Variants in RPTOR observed in about 807,000 individuals in gnomAD.
RPTOR encodes regulatory associated protein of MTOR complex 1, also known as regulatory-associated protein of mTOR.
A neutral mutation model predicts 169.9 loss-of-function variants in RPTOR; 21 were observed. The ratio of observed to expected loss-of-function variants is 0.12; its 90% CI spans 0.09 to 0.18. The LOEUF (loss-of-function observed/expected upper bound fraction) is 0.18, where lower values mean the gene tolerates loss of function less well. Among genes scored for constraint, RPTOR ranks in the 10% least tolerant of loss-of-function variants. The pLI, the probability that RPTOR is intolerant of heterozygous loss-of-function variation, is 1.00. For missense variants in RPTOR, 1,133 were observed against 1,855.9 expected (o/e 0.61, Z 7.16); for synonymous variants, 732 against 753.2 (o/e 0.97, Z 0.46).
At position 80,726,351 on chromosome 17, in the gene RPTOR, C is replaced by T. The variant is rs8072836; in HGVS notation, c.508-4209C>T. ...CAGGACTGGGCCACGAGGACCCTGCCGGTAACCTGGTGCTCGCCGCCCACA... is the reference window on the plus strand; with the variant it reads ...CAGGACTGGGCCACGAGGACCCTGCTGGTAACCTGGTGCTCGCCGCCCACA... On this transcript the variant is annotated intron_variant, in intron 4 of 33. Transcript: ENST00000306801. This position sits in a 1 kb window ranked among gnomAD's most constrained non-coding sequence, Gnocchi z 4.5. Among the ~76,000 whole-genome samples, 27,005 of 152,166 alleles carry T rather than the reference C, an allele frequency of 0.18. 2,840 individuals are homozygous for T. Among genetic ancestry groups the T allele is most frequent in the East Asian group, 0.24 (1,247 of 5,172 alleles).
chr17:80,801,042 G>A (rs534130236), intron 7 of RPTOR, among the ~76,000 whole-genome samples: 1 of 152,228 alleles, frequency 6.6e-6, no homozygotes, highest in African/African-American at 2.4e-5. Context: ...GCTTGGGTTT[G>A]ACTCTGGCTC....
Position 80,957,737 on chromosome 17 carries a change from A to T in RPTOR, c.3477+7A>T, listed in dbSNP as rs2144089492. ...CCGTGAGATGAAGGTGCAGGTAACC[A>T]TGCAGGTGTCCCCCAAGCCCTGGGC... On this transcript the variant is annotated splice_region_variant and intron_variant, in intron 29 of 33. Coordinates refer to ENST00000306801, the MANE Select transcript of RPTOR (RefSeq NM_020761.3). This position sits in a 1 kb window ranked among gnomAD's most constrained non-coding sequence, Gnocchi z 4.6. 1 of 1,612,904 alleles carries T rather than the reference A, an allele frequency of 6.2e-7. No individual in the cohort carries two copies. The highest frequency in any genetic ancestry group is 8.5e-7 in the Non-Finnish European group (1 of 1,179,150).
chr17:80,611,291 G>C (rs565012528), intron 1 of RPTOR, among the ~76,000 whole-genome samples: 1 of 152,050 alleles, frequency 6.6e-6, no homozygotes, highest in East Asian at 1.9e-4. Context: ...AGATGGAGTC[G>C]CACTTTGTTG....
At chr17:80,660,488 T>C (rs1205450476) in intron 3 of RPTOR, among the ~76,000 whole-genome samples, 5 of 152,110 alleles carry the variant, frequency 3.3e-5, no homozygotes, top group African/African-American at 1.2e-4. Context: ...GCATCTGTTC[T>C]ATAGAAATTA....
chr17:80,809,986 A>G (rs182271167), intron 7 of RPTOR, among the ~76,000 whole-genome samples: 6 of 152,218 alleles, frequency 3.9e-5, no homozygotes, highest in Non-Finnish European at 8.8e-5. Context: ...GAGTCCGTCC[A>G]GCAGTGAGCT....
intron 3 of RPTOR, among the ~76,000 whole-genome samples, chr17:80,661,844 G>T (rs1308422031): frequency 6.6e-6 from 1 of 152,200 alleles, no homozygotes; most frequent in South Asian, 2.1e-4. Context: ...CGCGAGTCTC[G>T]TGGCATTTGG....
intron 6 of RPTOR, among the ~76,000 whole-genome samples, chr17:80,768,753 C>G (rs555222202): frequency 1.6e-4 from 24 of 152,276 alleles, no homozygotes; most frequent in Non-Finnish European, 3.2e-4. Flanking sequence ...TTATTTGCCT[C>G]TTTGTATCTT....
chr17:80,726,270 C>T lies in RPTOR; in HGVS notation c.508-4290C>T, dbSNP rs116734015. ...AGACCAACTGGGGCCATCCATGGCCCTGTGCCGTGCTGCCTCCTGGACGCA... is the reference window on the plus strand; with the variant it reads ...AGACCAACTGGGGCCATCCATGGCCTTGTGCCGTGCTGCCTCCTGGACGCA... On this transcript the variant is annotated intron_variant, in intron 4 of 33. Coordinates refer to ENST00000306801, the MANE Select transcript of RPTOR (RefSeq NM_020761.3). The surrounding 1 kb of genome is among the most constrained non-coding windows in gnomAD (Gnocchi z 4.5). 0.014 allele frequency among the ~76,000 whole-genome samples: 2,119 copies of T among 152,314 alleles called. 52 individuals carry two copies. Among genetic ancestry groups the T allele is most frequent in the African/African-American group, 0.048 (2,010 of 41,562 alleles).
intron 20 of RPTOR, among the ~76,000 whole-genome samples, chr17:80,894,076 T>C (rs1321674582): frequency 6.6e-6 from 1 of 152,150 alleles, no homozygotes; most frequent in Admixed American, 6.5e-5. Context: ...GGGGTAGTAT[T>C]TTACAGGCTG....
chr17:80,603,976 G>A (rs549087765), intron 1 of RPTOR, among the ~76,000 whole-genome samples: 3 of 152,206 alleles, frequency 2.0e-5, no homozygotes, highest in South Asian at 4.1e-4. Flanking sequence ...ATCCAAGTCC[G>A]CAGACCCCAG....
In RPTOR at chr17:80,721,331, G is replaced by A. The variant is rs567011894; in HGVS notation, c.508-9229G>A. On this transcript the variant is annotated intron_variant, in intron 4 of 33. Transcript: ENST00000306801. This position sits in a 1 kb window ranked among gnomAD's most constrained non-coding sequence, Gnocchi z 4.7. ...AGTCATTGAGGCTCCTGGACGCGGC[G>A]GAAGTGCAAGCGGGAAAAAGGATGG... Among the ~76,000 whole-genome samples, 1 of 151,410 alleles carries A rather than the reference G, an allele frequency of 6.6e-6. No homozygotes were observed. The highest frequency in any genetic ancestry group is 1.5e-5 in the Non-Finnish European group (1 of 68,022).
chr17:80,659,512 T>G lies in RPTOR; in HGVS notation c.348+15702T>G, dbSNP rs73437356. On this transcript the variant is annotated intron_variant, in intron 3 of 33. Transcript: ENST00000306801. The surrounding 1 kb of genome is among the most constrained non-coding windows in gnomAD (Gnocchi z 4.3). ...ATACCTGGCTAATTTTTATTTTTATTTATTTATTTTTTTTCAGTTGGAGTT... is the reference window on the plus strand; with the variant it reads ...ATACCTGGCTAATTTTTATTTTTATGTATTTATTTTTTTTCAGTTGGAGTT... Among the ~76,000 whole-genome samples the G allele has an allele frequency of 4.3e-4, 65 of 152,130 alleles. No homozygotes were observed. The highest frequency in any genetic ancestry group is 1.4e-3 in the African/African-American group (57 of 41,520).
At chr17:80,906,063 A>T (rs2068538427) in intron 20 of RPTOR, among the ~76,000 whole-genome samples, 1 of 152,162 alleles carries the variant, frequency 6.6e-6, no homozygotes, top group Non-Finnish European at 1.5e-5. Context: ...ATCAACGGGC[A>T]TCTTACGGGG....
chr17:80,738,629 G>A (rs765566955), intron 5 of RPTOR, among the ~76,000 whole-genome samples: 1 of 152,072 alleles, frequency 6.6e-6, no homozygotes. Context: ...GACCACATAC[G>A]GCAATCTCCT....
intron 1 of RPTOR, among the ~76,000 whole-genome samples, chr17:80,571,565 G>T (rs1243237906): frequency 1.3e-5 from 2 of 152,124 alleles, no homozygotes; most frequent in African/African-American, 4.8e-5. Flanking sequence ...CTGTCTCCCA[G>T]ACTGGAGTGC....
intron 3 of RPTOR, among the ~76,000 whole-genome samples, chr17:80,657,947 A>T (rs2065692540): frequency 6.6e-6 from 1 of 152,152 alleles, no homozygotes; most frequent in South Asian, 2.1e-4. Context: ...TTAGTGATGT[A>T]TCAGAGAATA....
intron 31 of RPTOR, 50 bp from the exon 32 acceptor site, chr17:80,962,411 C>T (rs1180454771): frequency 1.3e-6 from 2 of 1,500,392 alleles, no homozygotes; most frequent in South Asian, 2.3e-5. Context: ...CTGGCCAGGC[C>T]CCTCATGGGG....
chr17:80,770,328 GA>G lies in RPTOR; in HGVS notation c.830+16145del, dbSNP rs544096049. Among the ~76,000 whole-genome samples the G allele has an allele frequency of 2.6e-5, 4 of 152,298 alleles. No homozygotes were observed. The South Asian group carries it at 6.2e-4, about 24-fold the overall frequency. ...CACTTCGGGTCCTCAGATCCAACAG[GA>G]ATTTTAGGAGGGACGTGCCTTCTCA... On this transcript the variant is annotated intron_variant, in intron 6 of 33. Coordinates refer to ENST00000306801, the MANE Select transcript of RPTOR (RefSeq NM_020761.3).
intron 13 of RPTOR, among the ~76,000 whole-genome samples, chr17:80,871,672 A>G (rs2068054202): frequency 6.6e-6 from 1 of 152,160 alleles, no homozygotes; most frequent in South Asian, 2.1e-4. Flanking sequence ...CTGCAGTTTC[A>G]TTATCTTTTT....
Sources: gnomAD v4.1 joint callset for allele counts (sites outside exome capture counted in the v4.1 genomes callset) on GRCh38, gnomAD v4.1.1 for gene constraint, Gnocchi (gnomAD v3.1) non-coding constraint, MANE v1.5 for transcripts, NCBI Gene and HGNC (gene_info 2026-07-23, HGNC 2026-07-21) for gene names.